Variants in UBL3 observed in about 807,000 individuals in gnomAD.
UBL3 encodes ubiquitin like 3.
A neutral mutation model predicts 18.4 loss-of-function variants in UBL3; 6 were observed. The observed-to-expected ratio is 0.33, with a 90% CI of 0.18 to 0.64. UBL3 has a LOEUF of 0.64. Ranked by LOEUF, UBL3 falls within the 30% of genes least tolerant of loss-of-function variation. The pLI is 0.76. For missense variants in UBL3, 109 were observed against 142.9 expected (o/e 0.76, Z 1.21); for synonymous variants, 49 against 46.6 (o/e 1.05, Z -0.21).
At chr13:29,797,289 T>C (rs1877639069) in intron 1 of UBL3, among the ~76,000 whole-genome samples, 1 of 152,200 alleles carries the variant, frequency 6.6e-6, no homozygotes, top group Non-Finnish European at 1.5e-5. Flanking sequence ...GTGAAAGAGA[T>C]ATGATGTTCA....
intron 1 of UBL3, among the ~76,000 whole-genome samples, chr13:29,824,655 T>C (rs1031717803): frequency 1.8e-4 from 28 of 152,222 alleles, no homozygotes; most frequent in Admixed American, 3.3e-4. Flanking sequence ...ATTCTGTAGG[T>C]TGCCTGTTCA....
At chr13:29,842,370 G>A (rs1879127517) in intron 1 of UBL3, among the ~76,000 whole-genome samples, 1 of 151,902 alleles carries the variant, frequency 6.6e-6, no homozygotes, top group African/African-American at 2.4e-5. Flanking sequence ...TGTTGGTCAG[G>A]GTGGTCTCGA....
chr13:29,823,665 C>A (rs1409569451), intron 1 of UBL3, among the ~76,000 whole-genome samples: 1 of 152,188 alleles, frequency 6.6e-6, no homozygotes, highest in East Asian at 1.9e-4. Flanking sequence ...ACCTTTCCTT[C>A]TAAAAGATTC....
At chr13:29,848,280 C>CAAAAAA (rs11372209) in intron 1 of UBL3, among the ~76,000 whole-genome samples, 3 of 68,320 alleles carry the variant, frequency 4.4e-5, no homozygotes, top group African/African-American at 1.9e-4. Context: ...CCTGTCTCCA[C>CAAAAAA]AAAAAAAAAA....
chr13:29,788,089 C>T lies in UBL3; in HGVS notation c.28-10826G>A, dbSNP rs532742421. The stretch of plus-strand genomic sequence containing the variant: ...CCCGTTTTCTTTTGAATAGTTCTAG[C>T]GCAAGGCACATTTCCAGAACCTACT... On this transcript the variant is annotated intron_variant, in intron 1 of 4. Transcript: ENST00000380680. Among the ~76,000 whole-genome samples the T allele has an allele frequency of 5.3e-5, 8 of 152,248 alleles. No individual in the cohort carries two copies. The East Asian group carries it at 5.8e-4, about 11-fold the overall frequency.
At chr13:29,776,298 T>C (rs1876990736) in intron 2 of UBL3, among the ~76,000 whole-genome samples, 1 of 149,404 alleles carries the variant, frequency 6.7e-6, no homozygotes, top group African/African-American at 2.5e-5. Flanking sequence ...GGTCTTGCTC[T>C]GTTGCTCAGG....
At chr13:29,844,401 T>C (rs913656314) in intron 1 of UBL3, among the ~76,000 whole-genome samples, 4 of 152,192 alleles carry the variant, frequency 2.6e-5, no homozygotes, top group Non-Finnish European at 5.9e-5. Context: ...GCCGAGGGTA[T>C]TATAGTTGTA....
intron 4 of UBL3, 141 bp from the exon 5 acceptor site, chr13:29,767,448 A>G: frequency 1.6e-6 from 2 of 1,232,604 alleles, no homozygotes; most frequent in Admixed American, 5.2e-5. Context: ...GCTGTAATAA[A>G]TGTTCTTTTA....
chr13:29,781,826 A>G (rs934905455), intron 1 of UBL3, among the ~76,000 whole-genome samples: 2 of 103,622 alleles, frequency 1.9e-5, no homozygotes, highest in Non-Finnish European at 3.8e-5. Flanking sequence ...TCTACAAAAA[A>G]TTAAAAAAAA....
At chr13:29,835,012 C>T (rs1878880463) in intron 1 of UBL3, among the ~76,000 whole-genome samples, 1 of 147,526 alleles carries the variant, frequency 6.8e-6, no homozygotes, top group Admixed American at 6.9e-5. Flanking sequence ...AATCCACAAA[C>T]ATTTATGAAA....
At chr13:29,767,919 T>C (rs998899367) in intron 3 of UBL3, among the ~76,000 whole-genome samples, 3 of 152,122 alleles carry the variant, frequency 2.0e-5, no homozygotes, top group African/African-American at 7.2e-5. Flanking sequence ...TTGACACATT[T>C]ATCCATATTA....
At chr13:29,846,510 T>C (rs1879231289) in intron 1 of UBL3, among the ~76,000 whole-genome samples, 1 of 152,106 alleles carries the variant, frequency 6.6e-6, no homozygotes, top group Non-Finnish European at 1.5e-5. Flanking sequence ...TTACTGGATG[T>C]TCAAAAATAA....
At chr13:29,792,014 G>T (rs765532585) in intron 1 of UBL3, among the ~76,000 whole-genome samples, 69 of 152,242 alleles carry the variant, frequency 4.5e-4, no homozygotes, top group Admixed American at 7.8e-4. Flanking sequence ...AGGTTCCATT[G>T]GTTGTGTTTT....
At chr13:29,828,261 T>C (rs1207673206) in intron 1 of UBL3, among the ~76,000 whole-genome samples, 1 of 152,196 alleles carries the variant, frequency 6.6e-6, no homozygotes, top group Non-Finnish European at 1.5e-5. Flanking sequence ...CTGGATAATA[T>C]TCTGCAGAGT....
chr13:29,810,922 C>A (rs1878059347), intron 1 of UBL3, among the ~76,000 whole-genome samples: 1 of 151,998 alleles, frequency 6.6e-6, no homozygotes, highest in Admixed American at 6.6e-5. Flanking sequence ...TGGGCCTTTA[C>A]AATAAAGACC....
chr13:29,825,522 A>T (rs1286639759), intron 1 of UBL3, among the ~76,000 whole-genome samples: 1 of 152,184 alleles, frequency 6.6e-6, no homozygotes, highest in East Asian at 1.9e-4. Flanking sequence ...TTGGTGTATA[A>T]GAATGCTTGT....
At chr13:29,806,803 A>G (rs1317614769) in intron 1 of UBL3, among the ~76,000 whole-genome samples, 1 of 152,236 alleles carries the variant, frequency 6.6e-6, no homozygotes, top group Non-Finnish European at 1.5e-5. Context: ...ACCCAGTGAT[A>G]CACGTGCAAA....
At chr13:29,806,262 C>T (rs1482590872) in intron 1 of UBL3, among the ~76,000 whole-genome samples, 2 of 152,204 alleles carry the variant, frequency 1.3e-5, no homozygotes, top group African/African-American at 4.8e-5. Flanking sequence ...CATCCAATTA[C>T]ATAAAACTGT....
intron 1 of UBL3, among the ~76,000 whole-genome samples, chr13:29,835,392 A>C (rs1027075046): frequency 1.3e-5 from 2 of 151,192 alleles, no homozygotes; most frequent in African/African-American, 4.9e-5. Context: ...TATACTGATG[A>C]GCATCCTAAG....
Sources: allele counts gnomAD v4.1 joint callset (sites outside exome capture counted in the v4.1 genomes callset), GRCh38; gene constraint gnomAD v4.1.1; transcripts MANE v1.5; gene names NCBI Gene and HGNC (gene_info 2026-07-23, HGNC 2026-07-21).